EPHA8: variants seen among roughly 807,000 people sequenced by gnomAD.
The protein encoded by EPHA8 is ephrin type-A receptor 8.
Under a neutral mutation model 103.6 loss-of-function variants are expected in EPHA8, and 58 were observed. The observed-to-expected ratio is 0.56, with a 90% CI of 0.45 to 0.70. The LOEUF (loss-of-function observed/expected upper bound fraction) is 0.70, where lower values mean the gene tolerates loss of function less well. Ranked by LOEUF, EPHA8 falls within the 30% of genes least tolerant of loss-of-function variation. EPHA8 has a pLI of 0.00. For missense variants in EPHA8, 1,304 were observed against 1,395.2 expected (o/e 0.93, Z 1.04); for synonymous variants, 559 against 572.5 (o/e 0.98, Z 0.34).
intron 5 of EPHA8, among the ~76,000 whole-genome samples, chr1:22,593,111 G>T (rs983431604): frequency 2.0e-5 from 3 of 152,162 alleles, no homozygotes; most frequent in Admixed American, 2.0e-4. Flanking sequence ...CCCAGACCAT[G>T]CCAGGCCACG....
intron 3 of EPHA8, among the ~76,000 whole-genome samples, chr1:22,581,621 C>T (rs1462753674): frequency 6.6e-6 from 1 of 152,198 alleles, no homozygotes; most frequent in Non-Finnish European, 1.5e-5. Context: ...GGCAGGACCT[C>T]ACGGGGGCTG....
chr1:22,593,142 C>T (rs1641416916), intron 5 of EPHA8, among the ~76,000 whole-genome samples, 184 bp from the exon 6 acceptor site: 1 of 152,224 alleles, frequency 6.6e-6, no homozygotes, highest in Admixed American at 6.5e-5. Flanking sequence ...GGGACTGACC[C>T]CAAGTGGCCA....
At chr1:22,586,692 G>A in intron 4 of EPHA8, 57 bp downstream of exon 4, 1 of 1,587,894 alleles carries the variant, frequency 6.3e-7, no homozygotes, top group Admixed American at 1.7e-5. Flanking sequence ...CCGGGCCCCT[G>A]TGTTTGGTCC....
Position 22,581,479 on chromosome 1 carries a change from A to G in EPHA8, c.823+4599A>G, listed in dbSNP as rs2148241680. Among the ~76,000 whole-genome samples the G allele has an allele frequency of 2.6e-5, 4 of 152,294 alleles. 1 individual carries two copies. In the South Asian group the frequency reaches 8.3e-4, roughly 32 times the overall value. ...TCTTTGGGGTCAAGACCTCGCTTGGAGGTCTCAGGTAACGCTGCAGTCTCC... is the reference window on the plus strand; with the variant it reads ...TCTTTGGGGTCAAGACCTCGCTTGGGGGTCTCAGGTAACGCTGCAGTCTCC... On this transcript the variant is annotated intron_variant, in intron 3 of 16. Transcript: ENST00000166244.
chr1:22,591,731 A>T (rs927056254), intron 5 of EPHA8, among the ~76,000 whole-genome samples: 1 of 151,990 alleles, frequency 6.6e-6, no homozygotes, highest in African/African-American at 2.4e-5. Context: ...CTCCTTGAAC[A>T]CACTGGGTCT....
chr1:22,598,135 C>T lies in EPHA8; in HGVS notation c.2117-16C>T, dbSNP rs750144155. 1 of 1,613,220 alleles carries T rather than the reference C, an allele frequency of 6.2e-7. No individual in the cohort carries two copies. The highest frequency in any genetic ancestry group is 8.5e-7 in the Non-Finnish European group (1 of 1,179,824). ...GCCCCAAACCAAGAGCCACCCTCTC[C>T]CTACTGCCCGCCCAGGCCGCCTGGC... On this transcript the variant is annotated splice_polypyrimidine_tract_variant and intron_variant, in intron 11 of 16. Coordinates refer to ENST00000166244, the MANE Select transcript of EPHA8 (RefSeq NM_020526.5). The surrounding 1 kb of genome is among the most constrained non-coding windows in gnomAD (Gnocchi z 5.1).
chr1:22,578,193 TGTGTGCGTGCGA>T (rs1160547584), intron 3 of EPHA8, among the ~76,000 whole-genome samples: 3 of 98,118 alleles, frequency 3.1e-5, no homozygotes, highest in African/African-American at 7.8e-5. Flanking sequence ...TGCGTGCATG[TGTGTGCGTGCGA>T]GTGTGTGCGT....
chr1:22,597,430 G>A lies in EPHA8; in HGVS notation c.1884G>A (p.Arg628=). The A allele has an allele frequency of 6.2e-7, 1 of 1,613,558 alleles. No individual in the cohort carries two copies. The highest frequency in any genetic ancestry group is 8.5e-7 in the Non-Finnish European group (1 of 1,180,004). ...EPGRAGRSFT[R]EIEASRIHIE... ...GCCGGGCGGGCCGCAGTTTCACTCGGGAGATCGAGGCCTCTAGGATCCACA... is the reference window on the plus strand; with the variant it reads ...GCCGGGCGGGCCGCAGTTTCACTCGAGAGATCGAGGCCTCTAGGATCCACA... Residue 628 remains arginine, a synonymous_variant, in exon 10 of 17, where the codon CGG becomes CGA. Transcript: ENST00000166244. The surrounding 1 kb of genome is among the most constrained non-coding windows in gnomAD (Gnocchi z 4.6).
intron 9 of EPHA8, 82 bp downstream of exon 9, chr1:22,596,255 G>A: frequency 3.7e-6 from 5 of 1,366,268 alleles, no homozygotes; most frequent in Non-Finnish European, 5.1e-6. Flanking sequence ...GCACAGATGG[G>A]AAGGAGGAAG....
chr1:22,596,237 TG>T (rs1641515461), intron 9 of EPHA8, 64 bp downstream of exon 9: 7 of 1,519,852 alleles, frequency 4.6e-6, no homozygotes, highest in Non-Finnish European at 6.4e-6. Flanking sequence ...AGTGCTGGAC[TG>T]GGGGTGGCAC....
intron 3 of EPHA8, among the ~76,000 whole-genome samples, chr1:22,584,155 G>A (rs2148245287): frequency 6.6e-6 from 1 of 152,352 alleles, no homozygotes; most frequent in African/African-American, 2.4e-5. Context: ...GCCCTTTTCT[G>A]ATGATGCCAC....
chr1:22,598,865 C>G lies in EPHA8; in HGVS notation c.2206C>G (p.Gln736Glu), dbSNP rs980221016. 3.7e-6 allele frequency: 6 copies of G among 1,613,098 alleles called. No individual in the cohort carries two copies. In the Middle Eastern group the frequency reaches 4.9e-4, roughly 133 times the overall value. ...RTHDGQFTIM[Q>E]LVGMLRGVGA... ...CCACGACGGGCAGTTCACCATCATG[C>G]AGCTGGTGGGCATGCTGAGAGGAGT... The change falls in exon 13 of 17, where the codon CAG (glutamine) becomes GAG (glutamate). Residue 736 changes from glutamine (Q) to glutamate (E), a missense_variant. By Grantham distance (29) the Gln-to-Glu change is conservative. Transcript: ENST00000166244. This position sits in a 1 kb window ranked among gnomAD's most constrained non-coding sequence, Gnocchi z 5.1.
intron 7 of EPHA8, among the ~76,000 whole-genome samples, chr1:22,594,253 C>A (rs1641456652): frequency 6.6e-6 from 1 of 152,228 alleles, no homozygotes; most frequent in Non-Finnish European, 1.5e-5. Context: ...CAGGCATGGA[C>A]CACTGCACCC....
At chr1:22,585,502 C>T (rs534579382) in intron 3 of EPHA8, among the ~76,000 whole-genome samples, 2 of 152,354 alleles carry the variant, frequency 1.3e-5, no homozygotes, top group Non-Finnish European at 2.9e-5. Context: ...CTTCCATCAC[C>T]TTAGCCCCCT....
At position 22,600,672 on chromosome 1, in the gene EPHA8, C is replaced by T. The variant is rs747293909; in HGVS notation, c.2400C>T (p.Ile800=). Residue 800 remains isoleucine (I), a synonymous_variant, in exon 14 of 17, where the codon ATC becomes ATT. Coordinates refer to ENST00000166244, the MANE Select transcript of EPHA8 (RefSeq NM_020526.5). ...DAAYTTTGGK[I]PIRWTAPEAI... is the part of the protein sequence containing the mutation. ...TGTGTCCGTCGCAGGGCGGGAAGAT[C>T]CCCATCCGCTGGACGGCCCCAGAGG... is the stretch of plus-strand genomic sequence containing the variant. The T allele has an allele frequency of 1.2e-6, 2 of 1,613,360 alleles. No individual in the cohort carries two copies. Among genetic ancestry groups the T allele is most frequent in the African/African-American group, 1.3e-5 (1 of 75,028 alleles).
In EPHA8 at chr1:22,567,522, T is replaced by G. The variant is rs1481368264; in HGVS notation, c.95-1767T>G. ...GTGTCCCCTGATCCCAAGTGGCCCC[T>G]GGGGACCCAGGGAGGAATGCAGGGA... On this transcript the variant is annotated intron_variant, in intron 1 of 16. Transcript: ENST00000166244. This position sits in a 1 kb window ranked among gnomAD's most constrained non-coding sequence, Gnocchi z 4.2. Among the ~76,000 whole-genome samples the G allele has an allele frequency of 6.6e-6, 1 of 152,012 alleles. No individual in the cohort carries two copies. Among genetic ancestry groups the G allele is most frequent in the Non-Finnish European group, 1.5e-5 (1 of 67,964 alleles).
In EPHA8 at chr1:22,601,781, C is replaced by T. The variant is rs765847585; in HGVS notation, c.*40C>T. 2 of 1,526,308 alleles carry T rather than the reference C, an allele frequency of 1.3e-6. No homozygotes were observed. Among genetic ancestry groups the T allele is most frequent in the South Asian group, 1.2e-5 (1 of 83,622 alleles). 94.5% of individuals were successfully genotyped at this position (1,526,308 alleles called of 1,614,324 possible). A position where few individuals can be genotyped will look rare whatever the true frequency, so the allele number is the denominator to read the frequency against. ...GGCCCAGGCAGCCACCAAGCCCACC[C>T]CAGGTCATGCCAGCGGCAGAGGACG... is the stretch of plus-strand genomic sequence containing the variant. On this transcript the variant is annotated 3_prime_UTR_variant, in exon 17 of 17. Transcript: ENST00000166244.
chr1:22,583,624 G>T (rs1437722538), intron 3 of EPHA8, among the ~76,000 whole-genome samples: 4 of 152,242 alleles, frequency 2.6e-5, no homozygotes, highest in East Asian at 1.9e-4. Context: ...GCCAGGCACT[G>T]CCCTGGCATG....
Position 22,598,195 on chromosome 1 carries a change from C to G in EPHA8, c.2161C>G (p.Leu721Val). 1 of 1,613,318 alleles carries G rather than the reference C, an allele frequency of 6.2e-7. No homozygotes were observed. Reference protein sequence around the residue: ...IVTEYMENGSLDTFLRTHDGQ... With the variant: ...IVTEYMENGSVDTFLRTHDGQ... Reference sequence around the variant, plus strand: ...GACTGAGTACATGGAGAACGGCTCTCTGGACACCTTCCTGAGGGTGCGTGT... The same window carrying G: ...GACTGAGTACATGGAGAACGGCTCTGTGGACACCTTCCTGAGGGTGCGTGT... The change falls in exon 12 of 17, where the codon CTG (leucine) becomes GTG (valine). Residue 721 changes from leucine to valine, a missense_variant. By Grantham distance (32) the Leu-to-Val change is conservative (BLOSUM62 1). Coordinates refer to ENST00000166244, the MANE Select transcript of EPHA8 (RefSeq NM_020526.5). The surrounding 1 kb of genome is among the most constrained non-coding windows in gnomAD (Gnocchi z 5.1).
Sources: gnomAD v4.1 joint callset for allele counts (sites outside exome capture counted in the v4.1 genomes callset) on GRCh38, gnomAD v4.1.1 for gene constraint, Gnocchi (gnomAD v3.1) non-coding constraint, MANE v1.5 for transcripts, NCBI Gene and HGNC (gene_info 2026-07-23, HGNC 2026-07-21) for gene names.